The following NOP58 variants were observed in gnomAD, a reference collection of about 807,000 sequenced individuals.
NOP58 encodes NOP58 ribonucleoprotein.
Under a neutral mutation model 71.2 loss-of-function variants are expected in NOP58, and 44 were observed. The ratio of observed to expected loss-of-function variants is 0.62; its 90% CI spans 0.49 to 0.79. NOP58 has a LOEUF of 0.79. Among genes scored for constraint, NOP58 ranks in the 30% least tolerant of loss-of-function variants. The probability of loss-of-function intolerance (pLI) is 0.00; values close to 1 mark genes in which losing one functional copy is unlikely to be tolerated. For synonymous variants in NOP58, 228 were observed against 200.3 expected, an observed-to-expected ratio of 1.14 and a Z score of -1.17; for missense variants, 538 against 620.2, an observed-to-expected ratio of 0.87 and a Z score of 1.41.
chr2:202,278,092 G>A (rs1277138716), intron 3 of NOP58, 90 bp downstream of exon 3: 5 of 832,702 alleles, frequency 6.0e-6, no homozygotes, highest in South Asian at 4.0e-5. Flanking sequence ...TGCTTCAGTT[G>A]CCTGTGTTAA....
intron 1 of NOP58, among the ~76,000 whole-genome samples, chr2:202,268,152 A>G (rs774910329): frequency 1.3e-5 from 2 of 152,218 alleles, no homozygotes; most frequent in Non-Finnish European, 2.9e-5. Context: ...AATATGATAT[A>G]TGGTGAATTT....
intron 1 of NOP58, among the ~76,000 whole-genome samples, chr2:202,270,069 T>A (rs1363073061): frequency 6.6e-6 from 1 of 152,192 alleles, no homozygotes; most frequent in Non-Finnish European, 1.5e-5. Context: ...AGCAATATAT[T>A]TTTTCTAACT....
chr2:202,299,011 G>A (rs1212390980), intron 12 of NOP58, among the ~76,000 whole-genome samples: 3 of 133,956 alleles, frequency 2.2e-5, no homozygotes, highest in East Asian at 2.2e-4. Context: ...CCAGGCTGGA[G>A]TGCAGTGGCA....
At chr2:202,291,636 A>T (rs2105850992) in intron 8 of NOP58, among the ~76,000 whole-genome samples, 1 of 151,956 alleles carries the variant, frequency 6.6e-6, no homozygotes, top group African/African-American at 2.4e-5. Context: ...TGAAACCCCC[A>T]TCTCTACTAA....
Position 202,290,363 on chromosome 2 carries a change from T to C in NOP58, c.540T>C (p.Ile180=), listed in dbSNP as rs1175872067. The C allele has an allele frequency of 1.2e-6, 2 of 1,605,014 alleles. No homozygotes were observed. Among genetic ancestry groups the C allele is most frequent in the African/African-American group, 2.7e-5 (2 of 74,768 alleles). ...DDLDKELNNY[I]MRCREWYGWH... ...TGGATAAAGAACTAAACAACTACAT[T>C]ATGCGATGTAGAGAATGGTATGGCT... The change falls in exon 7 of 15, where the codon ATT becomes ATC. Residue 180 remains isoleucine, a synonymous_variant. Transcript: ENST00000264279.
At chr2:202,288,723 G>A (rs1362467112) in intron 6 of NOP58, among the ~76,000 whole-genome samples, 1 of 152,012 alleles carries the variant, frequency 6.6e-6, no homozygotes. Flanking sequence ...GCTGAGGCAG[G>A]AGAATCACTT....
In NOP58 at chr2:202,275,112, GGT is replaced by G; in HGVS notation, c.46_47del (p.Val16SerfsTer3). The part of the protein sequence containing the change: ...ETSVGYAIFK[V>X]LNEKKLQEVD... ...AAAACTATTTAAACATTTTATTACAGGTTCTAAATGAGAAGAAACTTCAAGAG... is the reference window on the plus strand; with the variant it reads ...AAAACTATTTAAACATTTTATTACAGTCTAAATGAGAAGAAACTTCAAGAG... On this transcript the variant is annotated frameshift_variant and splice_region_variant, in exon 2 of 15. Coordinates refer to ENST00000264279, the MANE Select transcript of NOP58 (RefSeq NM_015934.5). LOFTEE classifies it high-confidence loss of function. 6.8e-7 allele frequency: 1 copy of G among 1,463,196 alleles called. No individual in the cohort carries two copies. The highest frequency in any genetic ancestry group is 1.4e-5 in the African/African-American group (1 of 70,848). 90.6% of individuals were successfully genotyped at this position (1,463,196 alleles called of 1,614,324 possible).
chr2:202,285,806 T>C (rs567418723), intron 5 of NOP58, among the ~76,000 whole-genome samples: 2 of 152,286 alleles, frequency 1.3e-5, no homozygotes, highest in African/African-American at 4.8e-5. Flanking sequence ...AGGTAGTTGC[T>C]CAAAACCTGT....
In NOP58 at chr2:202,279,048, TA is replaced by T; in HGVS notation, c.175+1051del. 2.0e-5 allele frequency among the ~76,000 whole-genome samples: 3 copies of T among 152,340 alleles called. No homozygotes were observed. In the Middle Eastern group the frequency reaches 0.01, roughly 518 times the overall value. ...TGGTAATATTAACTTGGAGAATTTT[TA>T]AAAAGATAGCCTGTTCATCACAGCT... On this transcript the variant is annotated intron_variant, in intron 3 of 14. Transcript: ENST00000264279.
At chr2:202,278,048 T>C (rs1183332886) in intron 3 of NOP58, 46 bp downstream of exon 3, 1 of 1,181,634 alleles carries the variant, frequency 8.5e-7, no homozygotes, top group Non-Finnish European at 1.3e-6. Flanking sequence ...AAATTAAGTC[T>C]TAGCCGTTTG....
intron 1 of NOP58, among the ~76,000 whole-genome samples, chr2:202,266,341 C>T (rs917118390): frequency 1.6e-4 from 25 of 151,756 alleles, no homozygotes; most frequent in African/African-American, 5.3e-4. Flanking sequence ...TCTTGTTGCC[C>T]ATGCTGGAGT....
At chr2:202,278,718 C>G (rs1688650465) in intron 3 of NOP58, among the ~76,000 whole-genome samples, 1 of 152,080 alleles carries the variant, frequency 6.6e-6, no homozygotes, top group African/African-American at 2.4e-5. Context: ...ACAAATCAGC[C>G]AACTATTTGG....
rs2105832463 is a variant in NOP58, at chr2:202,265,782, G to C, written c.-160G>C. 1 of 707,880 alleles carries C rather than the reference G, an allele frequency of 1.4e-6. No individual in the cohort carries two copies. Among genetic ancestry groups the C allele is most frequent in the Middle Eastern group, 3.0e-4 (1 of 3,352 alleles). The allele number at this position is 707,880 out of a possible 1,614,324, so 43.8% of individuals were successfully genotyped here. The stretch of plus-strand genomic sequence containing the variant: ...TGCGTCCTAGTTCCAGTACAGCGTG[G>C]AGGGTTTAGGCAGCGTGTTCTGATT... On this transcript the variant is annotated 5_prime_UTR_variant, in exon 1 of 15. Transcript: ENST00000264279.
rs143957037 is a variant in NOP58 at position 202,303,035 on chromosome 2, C to G, written c.1517C>G (p.Pro506Arg). 219 of 1,611,958 alleles carry G rather than the reference C, an allele frequency of 1.4e-4. No homozygotes were observed. Among genetic ancestry groups the G allele is most frequent in the Non-Finnish European group, 1.7e-4 (203 of 1,179,788 alleles). The change falls in exon 14 of 15, where the codon CCA becomes CGA. Residue 506 changes from proline to arginine, a missense_variant. Pro to Arg is a moderately radical substitution (Grantham distance 103, BLOSUM62 -2). Transcript: ENST00000264279. ...IKEEPLSEEE[P>R]CTSTAIASPE... is the part of the protein sequence containing the mutation. ...GAAGAACCACTTTCTGAGGAAGAAC[C>G]ATGTACCAGCACAGCAATTGCTGTA...
chr2:202,271,187 A>G (rs1688506567), intron 1 of NOP58, among the ~76,000 whole-genome samples: 1 of 152,194 alleles, frequency 6.6e-6, no homozygotes, highest in Non-Finnish European at 1.5e-5. Context: ...CAATCCTAAA[A>G]GGCACAACCC....
At position 202,279,820 on chromosome 2, in the gene NOP58, A is replaced by G. The variant is rs539915878; in HGVS notation, c.175+1818A>G. 3.9e-5 allele frequency among the ~76,000 whole-genome samples: 6 copies of G among 152,332 alleles called. No individual in the cohort carries two copies. The East Asian group carries it at 9.6e-4, about 24-fold the overall frequency. On this transcript the variant is annotated intron_variant, in intron 3 of 14. Transcript: ENST00000264279. Reference sequence around the variant, plus strand: ...AAAATAACATAAAATTAAGTAGTGTACAGTAAATGGACAAAATGCCATAGT... The same window carrying G: ...AAAATAACATAAAATTAAGTAGTGTGCAGTAAATGGACAAAATGCCATAGT...
At chr2:202,290,905 C>T (rs566088591) in intron 7 of NOP58, 1 of 433,982 alleles carries the variant, frequency 2.3e-6, no homozygotes, top group South Asian at 5.1e-5. Flanking sequence ...TCTTTTTACT[C>T]TGATTATTTT....
intron 1 of NOP58, among the ~76,000 whole-genome samples, chr2:202,274,307 A>G (rs1234637198): frequency 6.6e-6 from 1 of 151,856 alleles, no homozygotes; most frequent in Non-Finnish European, 1.5e-5. Context: ...GGCTCACTGC[A>G]ACCTCTGCCT....
chr2:202,292,570 G>A (rs1175210247), intron 8 of NOP58, among the ~76,000 whole-genome samples: 8 of 152,002 alleles, frequency 5.3e-5, no homozygotes, highest in Non-Finnish European at 7.4e-5. Flanking sequence ...CCCGGGAGGC[G>A]GAGATTGCTG....
Sources: gnomAD v4.1 joint callset for allele counts (sites outside exome capture counted in the v4.1 genomes callset) on GRCh38, gnomAD v4.1.1 for gene constraint, MANE v1.5 for transcripts, NCBI Gene and HGNC (gene_info 2026-07-23, HGNC 2026-07-21) for gene names.